Variants in PTGER4 observed in about 807,000 individuals in gnomAD.
PTGER4 encodes prostaglandin E2 receptor EP4 subtype.
In PTGER4, 11 loss-of-function variants were observed where a neutral mutation model predicts 33.2. That is an observed-to-expected ratio of 0.33 (90% CI 0.21 to 0.55). The LOEUF is 0.55. Ranked by LOEUF, PTGER4 falls within the 20% of genes least tolerant of loss-of-function variation. PTGER4 has a pLI of 0.92. For synonymous variants in PTGER4, 275 were observed against 281.5 expected, an observed-to-expected ratio of 0.98 and a Z score of 0.23; for missense variants, 481 against 650.2, an observed-to-expected ratio of 0.74 and a Z score of 2.83.
chr5:40,716,443 C>T, the PTGER4 span: 1 of 1,613,598 alleles, frequency 6.2e-7, no homozygotes, highest in Non-Finnish European at 8.5e-7. Flanking sequence ...GTCTTCTTTC[C>T]ATATTTCAGG....
At chr5:40,697,101 GAAAGAAAGGAAAGAA>G (rs1561134167), downstream of PTGER4, among the ~76,000 whole-genome samples, 9 of 90,880 alleles carry the variant, frequency 9.9e-5, no homozygotes, top group African/African-American at 2.2e-4. Context: ...AAAGAGAAAA[GAAAGAAAGGAAAGAA>G]AAAAGAAAGA....
At chr5:40,682,393 A>G (rs1741220231) in intron 2 of PTGER4, among the ~76,000 whole-genome samples, 2 of 152,132 alleles carry the variant, frequency 1.3e-5, no homozygotes, top group Non-Finnish European at 2.9e-5. Context: ...GCTAGAAGAG[A>G]TATCAAGAGG....
At chr5:40,734,340 C>T in the PTGER4 span, among the ~76,000 whole-genome samples, 1 of 118,174 alleles carries the variant, frequency 8.5e-6, no homozygotes, top group Non-Finnish European at 1.8e-5. Context: ...AGACACAGCC[C>T]TACTGCAGCT....
At chr5:40,730,309 G>A in the PTGER4 span, 1 of 1,612,300 alleles carries the variant, frequency 6.2e-7, no homozygotes. Context: ...GTTAACTGTA[G>A]TGCTTCATCC....
At chr5:40,706,112 A>G in the PTGER4 span, among the ~76,000 whole-genome samples, 1 of 152,302 alleles carries the variant, frequency 6.6e-6, no homozygotes, top group East Asian at 1.9e-4. Context: ...TAAAGAAAAT[A>G]TGGTACATAT....
At chr5:40,682,091 G>A (rs1741210795) in intron 2 of PTGER4, among the ~76,000 whole-genome samples, 1 of 151,736 alleles carries the variant, frequency 6.6e-6, no homozygotes, top group African/African-American at 2.4e-5. Context: ...TTATGTTCCC[G>A]GAAGCCTGGG....
Position 40,681,635 on chromosome 5 carries a change from C to A in PTGER4, c.642C>A (p.His214Gln), listed in dbSNP as rs773573829. ...TGTGCGGCGCGCTGCTCCGCATGCA[C>A]CGCCAGTTCATGCGCCGCACCTCGC... Reference protein sequence around the residue: ...VLVCGALLRMHRQFMRRTSLG... With the variant: ...VLVCGALLRMQRQFMRRTSLG... The change falls in exon 2 of 3, where the codon CAC becomes CAA. Residue 214 changes from histidine to glutamine, a missense_variant. Coordinates refer to ENST00000302472, the MANE Select transcript of PTGER4 (RefSeq NM_000958.3). This position sits in a 1 kb window ranked among gnomAD's most constrained non-coding sequence, Gnocchi z 9.8. 5 of 1,602,964 alleles carry A rather than the reference C, an allele frequency of 3.1e-6. No individual in the cohort carries two copies. Among genetic ancestry groups the A allele is most frequent in the Non-Finnish European group, 4.2e-6 (5 of 1,179,168 alleles).
intron 2 of PTGER4, among the ~76,000 whole-genome samples, chr5:40,682,344 C>T (rs1232932122): frequency 6.6e-6 from 1 of 152,132 alleles, no homozygotes; most frequent in African/African-American, 2.4e-5. Flanking sequence ...TGCAAGGTTT[C>T]TTGAATTTCT....
the PTGER4 span, among the ~76,000 whole-genome samples, chr5:40,746,250 A>AT: frequency 6.6e-6 from 1 of 152,250 alleles, no homozygotes; most frequent in African/African-American, 2.4e-5. Context: ...AAGAAAAAAG[A>AT]AATGGGTGCA....
the PTGER4 span, among the ~76,000 whole-genome samples, chr5:40,710,269 T>C: frequency 6.6e-6 from 1 of 152,196 alleles, no homozygotes; most frequent in Non-Finnish European, 1.5e-5. Flanking sequence ...GGGCAAAGGA[T>C]ATGAACAGAC....
the PTGER4 span, among the ~76,000 whole-genome samples, chr5:40,738,991 G>A: frequency 3.3e-5 from 5 of 152,264 alleles, no homozygotes; most frequent in East Asian, 9.6e-4. Flanking sequence ...CTCCCAGCCT[G>A]TGGCCTGACT....
At chr5:40,721,145 C>A in the PTGER4 span, among the ~76,000 whole-genome samples, 7 of 152,098 alleles carry the variant, frequency 4.6e-5, no homozygotes, top group African/African-American at 1.4e-4. Context: ...ATGGGGACTA[C>A]CAAAAGGACT....
Position 40,692,864 on chromosome 5 carries a change from GAGA to G in PTGER4, c.*489_*491del. On this transcript the variant is annotated 3_prime_UTR_variant, in exon 3 of 3. Transcript: ENST00000302472. ...GTATTTAAAGTATTTTCTTCTCTGT[GAGA>G]AGGTTTATTGTTAATACAAGGTATA... The G allele has an allele frequency of 2.0e-6, 2 of 984,756 alleles. No individual in the cohort carries two copies. Among genetic ancestry groups the G allele is most frequent in the East Asian group, 2.2e-4 (2 of 8,934 alleles). The allele number at this position is 984,756 out of a possible 1,614,324, so 61.0% of individuals were successfully genotyped here. A position where few individuals can be genotyped will look rare whatever the true frequency, so the allele number is the denominator to read the frequency against.
chr5:40,704,918 CA>C, the PTGER4 span, among the ~76,000 whole-genome samples: 25 of 152,232 alleles, frequency 1.6e-4, no homozygotes, highest in South Asian at 3.9e-3. Flanking sequence ...TTTACAGATT[CA>C]ATGCTATTCC....
In PTGER4 at chr5:40,693,268, T is replaced by C. The variant is rs1442094516; in HGVS notation, c.*890T>C. 1.0e-6 allele frequency: 1 copy of C among 979,106 alleles called. No individual in the cohort carries two copies. Among genetic ancestry groups the C allele is most frequent in the African/African-American group, 1.8e-5 (1 of 57,048 alleles). The allele number at this position is 979,106 out of a possible 1,614,324, so 60.7% of individuals were successfully genotyped here. ...GTACTTTTAAAAACATAACATAAATTTTTTGAAGTCTTTAATAAATAACCC... is the reference window on the plus strand; with the variant it reads ...GTACTTTTAAAAACATAACATAAATCTTTTGAAGTCTTTAATAAATAACCC... On this transcript the variant is annotated 3_prime_UTR_variant, in exon 3 of 3. Transcript: ENST00000302472.
chr5:40,692,222 A>C lies in PTGER4; in HGVS notation c.1311A>C (p.Ser437=). ...DTTSLRTLRI[S]ETSDSSQGQD... is the part of the protein sequence containing the mutation. Reference sequence around the variant, plus strand: ...CCTCACTGAGGACTTTGCGAATATCAGAGACCTCAGACTCTTCACAGGGTC... The same window carrying C: ...CCTCACTGAGGACTTTGCGAATATCCGAGACCTCAGACTCTTCACAGGGTC... Residue 437 remains serine (S), a synonymous_variant, in exon 3 of 3, where the codon TCA becomes TCC. Coordinates refer to ENST00000302472, the MANE Select transcript of PTGER4 (RefSeq NM_000958.3). 1.9e-6 allele frequency: 3 copies of C among 1,614,222 alleles called. No homozygotes were observed. Among genetic ancestry groups the C allele is most frequent in the Non-Finnish European group, 2.5e-6 (3 of 1,180,036 alleles).
rs113330710 is a variant in PTGER4 at position 40,687,472 on chromosome 5, C to T, written c.868-4307C>T. Among the ~76,000 whole-genome samples, 429 of 152,320 alleles carry T rather than the reference C, an allele frequency of 2.8e-3. 1 individual carries two copies. Among genetic ancestry groups the T allele is most frequent in the African/African-American group, 1.0e-2 (415 of 41,570 alleles). ...GGACAAGAATTCCGAAAAGTGCTTT[C>T]ACCCCCTCACGAGACATTGAAGCAC... On this transcript the variant is annotated intron_variant, in intron 2 of 2. Coordinates refer to ENST00000302472, the MANE Select transcript of PTGER4 (RefSeq NM_000958.3).
chr5:40,735,343 G>T, the PTGER4 span, among the ~76,000 whole-genome samples: 1 of 152,094 alleles, frequency 6.6e-6, no homozygotes, highest in South Asian at 2.1e-4. Context: ...AGTAATTTAG[G>T]TATGAGATAA....
the PTGER4 span, among the ~76,000 whole-genome samples, chr5:40,734,641 T>G: frequency 6.6e-6 from 1 of 152,216 alleles, no homozygotes; most frequent in African/African-American, 2.4e-5. Flanking sequence ...CAATTAGACT[T>G]CTAATTTACT....
Sources: allele counts gnomAD v4.1 joint callset (sites outside exome capture counted in the v4.1 genomes callset), GRCh38; gene constraint gnomAD v4.1.1; non-coding constraint Gnocchi (gnomAD v3.1); transcripts MANE v1.5; gene names NCBI Gene and HGNC (gene_info 2026-07-23, HGNC 2026-07-21).